Variants in PPHLN1 observed in about 807,000 individuals in gnomAD.
PPHLN1 encodes the protein periphilin-1.
Under a neutral mutation model 51.3 loss-of-function variants are expected in PPHLN1, and 29 were observed. That is an observed-to-expected ratio of 0.57 (90% CI 0.42 to 0.77). The LOEUF (loss-of-function observed/expected upper bound fraction) is 0.77, where lower values mean the gene tolerates loss of function less well. PPHLN1 is among the 30% of genes least tolerant of loss of function. The pLI is 0.00. For missense variants in PPHLN1, 436 were observed against 438.4 expected (o/e 0.99, Z 0.05); for synonymous variants, 147 against 147.8 (o/e 0.99, Z 0.04).
intron 4 of PPHLN1, among the ~76,000 whole-genome samples, chr12:42,368,003 G>GT (rs1338064918): frequency 2.0e-5 from 3 of 152,162 alleles, no homozygotes; most frequent in Non-Finnish European, 4.4e-5. Flanking sequence ...TCCCGAAGTG[G>GT]TAGGATTACA....
At chr12:42,394,441 A>T (rs899304765) in intron 8 of PPHLN1, among the ~76,000 whole-genome samples, 5 of 152,152 alleles carry the variant, frequency 3.3e-5, no homozygotes, top group African/African-American at 1.2e-4. Flanking sequence ...TACTTTTGGA[A>T]TGACTTTTAT....
In PPHLN1 at chr12:42,389,075, A is replaced by G. The variant is rs183697365; in HGVS notation, c.648+1540A>G. ...AACACAGTGAAGCCGTGTCTCTACT[A>G]AAAATACAAAGAATTGGCTGGGTGT... On this transcript the variant is annotated intron_variant, in intron 7 of 9. Coordinates refer to ENST00000358314, the MANE Select transcript of PPHLN1 (RefSeq NM_201439.2). 4.5e-3 allele frequency among the ~76,000 whole-genome samples: 691 copies of G among 152,190 alleles called. 5 individuals carry two copies. The highest frequency in any genetic ancestry group is 0.016 in the African/African-American group (655 of 41,520).
intron 9 of PPHLN1, among the ~76,000 whole-genome samples, chr12:42,409,014 A>G (rs975349994): frequency 6.6e-6 from 1 of 152,224 alleles, no homozygotes; most frequent in East Asian, 1.9e-4. Context: ...TAGGCACAGT[A>G]AGAGATTAAC....
intron 9 of PPHLN1, among the ~76,000 whole-genome samples, chr12:42,432,689 G>A (rs2082142899): frequency 6.6e-6 from 1 of 152,128 alleles, no homozygotes; most frequent in Admixed American, 6.5e-5. Context: ...GGTAACTCCA[G>A]GAACCTTCCT....
chr12:42,428,555 A>G (rs2081713144), intron 9 of PPHLN1, among the ~76,000 whole-genome samples: 1 of 152,146 alleles, frequency 6.6e-6, no homozygotes, highest in Non-Finnish European at 1.5e-5. Flanking sequence ...CATATGTGGG[A>G]GCTAAGCTAT....
chr12:42,411,588 G>T (rs2079831577), intron 9 of PPHLN1, among the ~76,000 whole-genome samples: 1 of 152,152 alleles, frequency 6.6e-6, no homozygotes, highest in Admixed American at 6.5e-5. Context: ...CCATCACCAA[G>T]CAGTGTATAT....
At chr12:42,343,793 C>T (rs1410615642) in intron 2 of PPHLN1, 7 of 365,528 alleles carry the variant, frequency 1.9e-5, no homozygotes, top group Middle Eastern at 3.7e-4. Context: ...GCTACATTCT[C>T]GAATAAGATG....
At chr12:42,446,492 C>A (rs2083329777), downstream of PPHLN1, 1 of 1,436,210 alleles carries the variant, frequency 7.0e-7, no homozygotes, top group Non-Finnish European at 9.4e-7. Flanking sequence ...AAAAAAAAAT[C>A]TCTCCTAGAA....
At chr12:42,401,847 G>GTTGT (rs1292238314) in intron 9 of PPHLN1, among the ~76,000 whole-genome samples, 5 of 151,798 alleles carry the variant, frequency 3.3e-5, no homozygotes, top group African/African-American at 4.8e-5. Context: ...GTTTTTTGTT[G>GTTGT]TTGTTTGTTT....
At position 42,426,228 on chromosome 12, in the gene PPHLN1, A is replaced by T. The variant is rs74078949; in HGVS notation, c.910-15087A>T. 1.5e-5 allele frequency among the ~76,000 whole-genome samples: 2 copies of T among 129,788 alleles called. 1 individual carries two copies. Among genetic ancestry groups the T allele is most frequent in the African/African-American group, 6.6e-5 (2 of 30,448 alleles). The allele number at this position is 129,788 out of a possible 152,430, so 85.1% of individuals were successfully genotyped here. On this transcript the variant is annotated intron_variant, in intron 9 of 9. Transcript: ENST00000358314. ...CACACACACACACACACACACACAC[A>T]CCCTCATGCATTGTCTCATGGCAGT...
intron 9 of PPHLN1, among the ~76,000 whole-genome samples, chr12:42,437,604 A>G (rs1439178164): frequency 6.6e-6 from 1 of 152,188 alleles, no homozygotes; most frequent in Non-Finnish European, 1.5e-5. Flanking sequence ...TTCTCCCTAC[A>G]CAGTTTCCCC....
At chr12:42,426,559 T>C (rs897553265) in intron 9 of PPHLN1, among the ~76,000 whole-genome samples, 3 of 152,154 alleles carry the variant, frequency 2.0e-5, no homozygotes, top group Non-Finnish European at 2.9e-5. Context: ...TTCTGGTACA[T>C]AAAATAATAC....
chr12:42,346,087 TAAG>T (rs1592257358), intron 2 of PPHLN1, among the ~76,000 whole-genome samples: 2 of 152,306 alleles, frequency 1.3e-5, no homozygotes, highest in African/African-American at 4.8e-5. Flanking sequence ...TTTTGTGTGA[TAAG>T]AACACCTAAA....
chr12:42,369,638 A>T (rs1460619401), intron 4 of PPHLN1, among the ~76,000 whole-genome samples: 10 of 152,212 alleles, frequency 6.6e-5, no homozygotes, highest in Admixed American at 6.5e-4. Context: ...AGTTGAGGGA[A>T]CTAAAGCGTA....
chr12:42,426,172 CCACACACACACACACACACACACACACA>C lies in PPHLN1; in HGVS notation c.910-15113_910-15086del, dbSNP rs71084653. Among the ~76,000 whole-genome samples the C allele has an allele frequency of 2.5e-4, 31 of 122,188 alleles. 2 individuals carry two copies. The East Asian group carries it at 3.5e-3, about 14-fold the overall frequency. 80.2% of individuals were successfully genotyped at this position (122,188 alleles called of 152,430 possible). A position where few individuals can be genotyped will look rare whatever the true frequency, so the allele number is the denominator to read the frequency against. On this transcript the variant is annotated intron_variant, in intron 9 of 9. Transcript: ENST00000358314. Reference sequence around the variant, plus strand: ...TTAAAGTACAGTATTAGACTTGACACCACACACACACACACACACACACACACACACACACACACACACACACACACAC... The same window carrying C: ...TTAAAGTACAGTATTAGACTTGACACCACACACACACACACACACACACAC...
rs199687242 is a variant in PPHLN1 at position 42,378,090 on chromosome 12, C to T, written c.511+3016C>T. ...TGCATCTAGCTATCTATCTATCTTT[C>T]TCTTTCTTTCTTTCTTTCTTTCTTT... On this transcript the variant is annotated intron_variant, in intron 5 of 9. Coordinates refer to ENST00000358314, the MANE Select transcript of PPHLN1 (RefSeq NM_201439.2). Among the ~76,000 whole-genome samples, 1,230 of 140,832 alleles carry T rather than the reference C, an allele frequency of 8.7e-3. 6 individuals carry two copies. The highest frequency in any genetic ancestry group is 0.021 in the East Asian group (101 of 4,802). The allele number at this position is 140,832 out of a possible 152,430, so 92.4% of individuals were successfully genotyped here.
intron 9 of PPHLN1, among the ~76,000 whole-genome samples, chr12:42,400,798 T>TCACACACACACACACACA (rs67724902): frequency 4.2e-5 from 6 of 142,522 alleles, no homozygotes; most frequent in Admixed American, 6.9e-5. Flanking sequence ...TCTCTCTCTT[T>TCACACACACACACACACA]CACACACACA....
At position 42,357,709 on chromosome 12, in the gene PPHLN1, CTTAA is replaced by C. The variant is rs540942083; in HGVS notation, c.299+2490_299+2493del. On this transcript the variant is annotated intron_variant, in intron 4 of 9. Coordinates refer to ENST00000358314, the MANE Select transcript of PPHLN1 (RefSeq NM_201439.2). ...ATACCTCCCAAGAAATTTATTTTAG[CTTAA>C]TTGTTTTTATTTATTTATATTATTT... 8.2e-4 allele frequency among the ~76,000 whole-genome samples: 125 copies of C among 152,150 alleles called. 2 individuals are homozygous for C. The highest frequency in any genetic ancestry group is 5.6e-3 in the South Asian group (27 of 4,822).
intron 4 of PPHLN1, among the ~76,000 whole-genome samples, chr12:42,360,417 A>G (rs192574582): frequency 8.3e-6 from 1 of 120,786 alleles, no homozygotes; most frequent in Non-Finnish European, 1.7e-5. Context: ...GGTCTAGGTT[A>G]TAGGTTTTTG....
Sources: gnomAD v4.1 joint callset for allele counts (sites outside exome capture counted in the v4.1 genomes callset) on GRCh38, gnomAD v4.1.1 for gene constraint, MANE v1.5 for transcripts, NCBI Gene and HGNC (gene_info 2026-07-23, HGNC 2026-07-21) for gene names.